TRPC5: variants seen among roughly 807,000 people sequenced by gnomAD.
TRPC5 encodes transient receptor potential cation channel subfamily C member 5.
In TRPC5, 9 loss-of-function variants were observed where a neutral mutation model predicts 56.5. The observed-to-expected ratio is 0.16, with a 90% CI of 0.10 to 0.28. The LOEUF is 0.28. TRPC5 is among the 10% of genes least tolerant of loss of function. TRPC5 has a pLI of 1.00. For synonymous variants in TRPC5, 282 were observed against 278.5 expected, an observed-to-expected ratio of 1.01 and a Z score of -0.13; for missense variants, 469 against 748.9, an observed-to-expected ratio of 0.63 and a Z score of 4.36.
At chrX:111,816,970 T>G (rs1354023512) in intron 7 of TRPC5, among the ~76,000 whole-genome samples, 1 of 111,883 alleles carries the variant, frequency 8.9e-6, no homozygotes, top group Non-Finnish European at 1.9e-5. Context: ...AGTCTCCAGT[T>G]TATTACTGCA....
chrX:111,790,799 C>T (rs1415323981), intron 7 of TRPC5, among the ~76,000 whole-genome samples: 1 of 110,062 alleles, frequency 9.1e-6, no homozygotes, highest in Non-Finnish European at 1.9e-5. Context: ...AGCTGGGGAT[C>T]AGTTGAGGCC....
intron 1 of TRPC5, among the ~76,000 whole-genome samples, chrX:112,073,173 A>C (rs911257740): frequency 2.7e-5 from 3 of 111,272 alleles, no homozygotes; most frequent in Non-Finnish European, 5.7e-5. Flanking sequence ...CCCACTAATC[A>C]TGGGCCACAG....
intron 2 of TRPC5, among the ~76,000 whole-genome samples, chrX:111,919,221 GA>G (rs1926059466): frequency 9.0e-6 from 1 of 111,391 alleles, no homozygotes; most frequent in Non-Finnish European, 1.9e-5. Flanking sequence ...GCACCAATCG[GA>G]ACTCTGTAGC....
chrX:111,810,728 A>G (rs1157305073), intron 7 of TRPC5, among the ~76,000 whole-genome samples: 1 of 111,830 alleles, frequency 8.9e-6, no homozygotes, highest in Non-Finnish European at 1.9e-5. Context: ...GAAAAGCTCC[A>G]ATCACATTTT....
At chrX:112,046,338 A>G (rs1317839703) in intron 1 of TRPC5, among the ~76,000 whole-genome samples, 1 of 109,347 alleles carries the variant, frequency 9.1e-6, no homozygotes, top group Admixed American at 9.9e-5. Context: ...TAGCCAGTGG[A>G]AGGAAAAATT....
At chrX:112,044,556 G>A (rs1362972107) in intron 1 of TRPC5, among the ~76,000 whole-genome samples, 1 of 112,012 alleles carries the variant, frequency 8.9e-6, no homozygotes, top group Non-Finnish European at 1.9e-5. Flanking sequence ...ATTATACACA[G>A]CATATGCCCT....
At chrX:111,945,237 G>A (rs1259547994) in intron 2 of TRPC5, among the ~76,000 whole-genome samples, 2 of 108,762 alleles carry the variant, frequency 1.8e-5, no homozygotes, top group African/African-American at 6.7e-5. Context: ...GGTTTCTACA[G>A]TCAGTGGCTC....
chrX:111,785,764 A>G (rs1041423217), intron 7 of TRPC5, among the ~76,000 whole-genome samples: 7 of 112,015 alleles, frequency 6.2e-5, no homozygotes, highest in African/African-American at 2.3e-4. Flanking sequence ...ACTTCGTGAC[A>G]CATGCACAAG....
chrX:111,854,265 C>T lies in TRPC5; in HGVS notation c.901-159G>A, dbSNP rs1470403244. 7.1e-5 allele frequency among the ~76,000 whole-genome samples: 8 copies of T among 111,904 alleles called. No homozygotes were observed. In the East Asian group the frequency reaches 2.3e-3, roughly 32 times the overall value. On this transcript the variant is annotated intron_variant, in intron 3 of 10. Coordinates refer to ENST00000262839, the MANE Select transcript of TRPC5 (RefSeq NM_012471.3). ...AGGTGCCTGTGAATGCATCTAACCCCGGAGACGGCTCTTCATGTCAAACTA... is the reference window on the plus strand; with the variant it reads ...AGGTGCCTGTGAATGCATCTAACCCTGGAGACGGCTCTTCATGTCAAACTA...
Position 111,912,329 on chromosome X carries a change from C to T in TRPC5, c.862G>A (p.Ala288Thr), listed in dbSNP as rs865929243. ...TATTTGATTGCCACCTTCAACTTGG[C>T]CAGGTCATGGTACTTCTGAGGGTCA... is the stretch of plus-strand genomic sequence containing the variant. Reference protein sequence around the residue: ...ELDPQKYHDLAKLKVAIKYHQ... With the variant: ...ELDPQKYHDLTKLKVAIKYHQ... The change falls in exon 3 of 11, where the codon GCC (alanine) becomes ACC (threonine). Residue 288 changes from alanine (A) to threonine (T), a missense_variant. Ala to Thr is a moderately conservative substitution (Grantham distance 58). Coordinates refer to ENST00000262839, the MANE Select transcript of TRPC5 (RefSeq NM_012471.3). 5 of 1,204,025 alleles carry T rather than the reference C, an allele frequency of 4.2e-6. No homozygotes were observed. The highest frequency in any genetic ancestry group is 5.6e-6 in the Non-Finnish European group (5 of 892,595).
At position 111,839,255 on chromosome X, in the gene TRPC5, A is replaced by G. The variant is rs181236686; in HGVS notation, c.1701-4139T>C. On this transcript the variant is annotated intron_variant, in intron 6 of 10. Transcript: ENST00000262839. ...GCTCAGTTGAAGCCCCACCTCCTCT[A>G]GAAGCCTGCCCCAACTCCTTTCCTA... Among the ~76,000 whole-genome samples, 3 of 111,474 alleles carry G rather than the reference A, an allele frequency of 2.7e-5. No individual in the cohort carries two copies. In the East Asian group the frequency reaches 8.5e-4, roughly 32 times the overall value.
intron 1 of TRPC5, among the ~76,000 whole-genome samples, chrX:111,968,977 A>T (rs1392508210): frequency 1.6e-5 from 1 of 61,759 alleles, no homozygotes; most frequent in Admixed American, 1.5e-4. Flanking sequence ...AAGTATAATA[A>T]AATAAAATAA....
chrX:111,843,533 C>T (rs1922820923), intron 6 of TRPC5, among the ~76,000 whole-genome samples: 1 of 111,138 alleles, frequency 9.0e-6, no homozygotes, highest in African/African-American at 3.3e-5. Context: ...ATGCGATGTA[C>T]AAAGGTCTGA....
At position 111,769,046 on chromosome X, in the gene TRPC5, A is replaced by G. The variant is rs1945829090; in HGVS notation, c.*7267T>C. On this transcript the variant is annotated 3_prime_UTR_variant, in exon 11 of 11. Transcript: ENST00000262839. ...CTTAATCTGAATATGTGACTTTCAA[A>G]TGACCTGAACACATTCAGCTAGCTA... Among the ~76,000 whole-genome samples, 1 of 112,008 alleles carries G rather than the reference A, an allele frequency of 8.9e-6. No homozygotes were observed. Among genetic ancestry groups the G allele is most frequent in the African/African-American group, 3.2e-5 (1 of 30,809 alleles).
At position 111,776,178 on chromosome X, in the gene TRPC5, A is replaced by C; in HGVS notation, c.*135T>G. On this transcript the variant is annotated 3_prime_UTR_variant, in exon 11 of 11. Coordinates refer to ENST00000262839, the MANE Select transcript of TRPC5 (RefSeq NM_012471.3). The stretch of plus-strand genomic sequence containing the variant: ...CAAAAATGGAGAATGTGGCTATAAA[A>C]GATGGTGCAAATAAGAGTTTCACTC... 2 of 575,083 alleles carry C rather than the reference A, an allele frequency of 3.5e-6. No individual in the cohort carries two copies. The highest frequency in any genetic ancestry group is 5.3e-6 in the Non-Finnish European group (2 of 380,486). 47.4% of individuals were successfully genotyped at this position (575,083 alleles called of 1,213,427 possible). A position where few individuals can be genotyped will look rare whatever the true frequency, so the allele number is the denominator to read the frequency against.
chrX:111,992,799 C>T (rs1055741845), intron 1 of TRPC5, among the ~76,000 whole-genome samples: 1 of 109,605 alleles, frequency 9.1e-6, no homozygotes, highest in African/African-American at 3.3e-5. Flanking sequence ...GACAGGGTTT[C>T]ACTGTGTTGG....
chrX:112,044,449 C>T (rs1284867393), intron 1 of TRPC5, among the ~76,000 whole-genome samples: 1 of 111,800 alleles, frequency 8.9e-6, no homozygotes, highest in Non-Finnish European at 1.9e-5. Flanking sequence ...CCTCAGTTTC[C>T]TCACCTATGA....
At chrX:111,786,477 A>G (rs772542544) in intron 7 of TRPC5, among the ~76,000 whole-genome samples, 1 of 111,884 alleles carries the variant, frequency 8.9e-6, no homozygotes, top group African/African-American at 3.2e-5. Context: ...AATTGTAAAG[A>G]CCATCGATGC....
chrX:111,905,943 A>C (rs1467863978), intron 3 of TRPC5, among the ~76,000 whole-genome samples: 2 of 109,070 alleles, frequency 1.8e-5, no homozygotes, highest in Non-Finnish European at 3.8e-5. Context: ...AAAGAAAGAA[A>C]AATACTGAAG....
Sources: allele counts gnomAD v4.1 joint callset (sites outside exome capture counted in the v4.1 genomes callset), GRCh38; gene constraint gnomAD v4.1.1; transcripts MANE v1.5; gene names NCBI Gene and HGNC (gene_info 2026-07-23, HGNC 2026-07-21).